MYT1L: variants seen among roughly 807,000 people sequenced by gnomAD.
MYT1L encodes the protein myelin transcription factor 1 like.
In MYT1L, 12 loss-of-function variants were observed where a neutral mutation model predicts 126.7. The ratio of observed to expected loss-of-function variants is 0.09; its 90% CI spans 0.06 to 0.15. The LOEUF (loss-of-function observed/expected upper bound fraction) is 0.15, where lower values mean the gene tolerates loss of function less well. Among genes scored for constraint, MYT1L ranks in the 10% least tolerant of loss-of-function variants. The pLI is 1.00. For missense variants in MYT1L, 979 were observed against 1,585.2 expected, an observed-to-expected ratio of 0.62 and a Z score of 6.49; for synonymous variants, 541 against 604.2, an observed-to-expected ratio of 0.90 and a Z score of 1.53.
intron 3 of MYT1L, among the ~76,000 whole-genome samples, chr2:2,152,125 T>C (rs1191015425): frequency 1.3e-5 from 2 of 152,196 alleles, no homozygotes; most frequent in African/African-American, 4.8e-5. Flanking sequence ...ATCACCATTC[T>C]TGTGCTTCGG....
intron 21 of MYT1L, among the ~76,000 whole-genome samples, chr2:1,810,793 T>G (rs2036495009): frequency 1.3e-5 from 2 of 152,208 alleles, no homozygotes; most frequent in Admixed American, 1.3e-4. Context: ...TGTATAAAAA[T>G]ATTTCCAGTA....
intron 18 of MYT1L, among the ~76,000 whole-genome samples, chr2:1,865,639 C>A (rs2045362959): frequency 6.6e-6 from 1 of 151,822 alleles, no homozygotes; most frequent in South Asian, 2.1e-4. Flanking sequence ...TCCCGGATCT[C>A]CTGGAGGCTG....
At chr2:2,198,646 C>T (rs2092926988) in intron 2 of MYT1L, among the ~76,000 whole-genome samples, 1 of 151,884 alleles carries the variant, frequency 6.6e-6, no homozygotes, top group Non-Finnish European at 1.5e-5. Flanking sequence ...ATCATAAGGT[C>T]AGGAGCTTGA....
intron 4 of MYT1L, among the ~76,000 whole-genome samples, chr2:2,038,928 C>G (rs1327869848): frequency 6.6e-6 from 1 of 152,168 alleles, no homozygotes; most frequent in Non-Finnish European, 1.5e-5. Flanking sequence ...GGTCCCTCCT[C>G]CTCGGTGTTC....
intron 18 of MYT1L, among the ~76,000 whole-genome samples, chr2:1,858,520 C>T (rs1172683560): frequency 6.6e-6 from 1 of 152,106 alleles, no homozygotes; most frequent in Admixed American, 6.6e-5. Context: ...GTATGTAATC[C>T]AGAGAAAGTT....
At position 1,852,771 on chromosome 2, in the gene MYT1L, G is replaced by A. The variant is rs2043441835; in HGVS notation, c.2712-1068C>T. Among the ~76,000 whole-genome samples the A allele has an allele frequency of 6.6e-6, 1 of 152,164 alleles. No individual in the cohort carries two copies. Among genetic ancestry groups the A allele is most frequent in the African/African-American group, 2.4e-5 (1 of 41,424 alleles). On this transcript the variant is annotated intron_variant, in intron 18 of 24. Transcript: ENST00000647738. This position sits in a 1 kb window ranked among gnomAD's most constrained non-coding sequence, Gnocchi z 4.0. ...ATTACACCTAGTAGGAAGCATCAAA[G>A]CATACTCCATGCCCCTTCCCACCTC...
chr2:2,219,225 G>A (rs2093781614), intron 2 of MYT1L, among the ~76,000 whole-genome samples: 1 of 152,138 alleles, frequency 6.6e-6, no homozygotes, highest in Non-Finnish European at 1.5e-5. Flanking sequence ...CTGAGCAGAA[G>A]CGCTCCATTT....
intron 2 of MYT1L, among the ~76,000 whole-genome samples, chr2:2,209,168 A>G (rs550585315): frequency 6.6e-6 from 1 of 152,354 alleles, no homozygotes; most frequent in Non-Finnish European, 1.5e-5. Flanking sequence ...ACATTTTTAT[A>G]CAGAAATGCA....
At chr2:2,097,170 C>T (rs928161085) in intron 3 of MYT1L, among the ~76,000 whole-genome samples, 11 of 152,152 alleles carry the variant, frequency 7.2e-5, no homozygotes, top group African/African-American at 2.2e-4. Flanking sequence ...TTCTCTATTC[C>T]GTGGGACTCC....
At chr2:2,292,131 A>G (rs1420933809) in intron 1 of MYT1L, among the ~76,000 whole-genome samples, 2 of 152,218 alleles carry the variant, frequency 1.3e-5, no homozygotes, top group African/African-American at 4.8e-5. Flanking sequence ...AGGGGCAGCG[A>G]GCAGGGCAGG....
intron 2 of MYT1L, among the ~76,000 whole-genome samples, chr2:2,238,052 T>C (rs1030508138): frequency 1.3e-5 from 2 of 152,220 alleles, no homozygotes; most frequent in East Asian, 1.9e-4. Flanking sequence ...GACAAGATCA[T>C]GACACGTTCA....
intron 2 of MYT1L, among the ~76,000 whole-genome samples, chr2:2,188,133 AATGC>A (rs2092338737): frequency 6.6e-6 from 1 of 152,140 alleles, no homozygotes; most frequent in Non-Finnish European, 1.5e-5. Context: ...TACACACACA[AATGC>A]ATGCACACAC....
chr2:2,116,166 G>C (rs2080188282), intron 3 of MYT1L, among the ~76,000 whole-genome samples: 1 of 152,250 alleles, frequency 6.6e-6, no homozygotes, highest in Non-Finnish European at 1.5e-5. Context: ...AAAACCACGA[G>C]GAAGAAAAGG....
intron 4 of MYT1L, among the ~76,000 whole-genome samples, chr2:2,032,694 T>C (rs1410543548): frequency 6.7e-5 from 6 of 89,508 alleles, no homozygotes; most frequent in African/African-American, 4.6e-5. Flanking sequence ...GTGCCTCTCA[T>C]CCTGTGGCCC....
chr2:1,965,441 AGAG>A (rs1345297790), intron 8 of MYT1L, among the ~76,000 whole-genome samples: 1 of 150,212 alleles, frequency 6.7e-6, no homozygotes, highest in Non-Finnish European at 1.5e-5. Context: ...CAGGCAGGGA[AGAG>A]GAGGACTCAG....
chr2:1,861,888 GATCCTCCTA>G, intron 18 of MYT1L, among the ~76,000 whole-genome samples: 1 of 152,036 alleles, frequency 6.6e-6, no homozygotes, highest in Admixed American at 6.6e-5. Flanking sequence ...TGTAATCCTG[GATCCTCCTA>G]CAGCCTGTGT....
chr2:2,026,624 G>T (rs1440892264), intron 4 of MYT1L, among the ~76,000 whole-genome samples: 1 of 152,202 alleles, frequency 6.6e-6, no homozygotes, highest in Non-Finnish European at 1.5e-5. Flanking sequence ...CGTGGTGGAG[G>T]TTGTTCTGCA....
Position 1,943,284 on chromosome 2 carries a change from G to C in MYT1L, c.203C>G (p.Pro68Arg), listed in dbSNP as rs2056864116. 2.6e-6 allele frequency: 4 copies of C among 1,567,756 alleles called. No individual in the cohort carries two copies. Among genetic ancestry groups the C allele is most frequent in the Non-Finnish European group, 3.5e-6 (4 of 1,155,436 alleles). The change falls in exon 9 of 25, where the codon CCC (proline) becomes CGC (arginine). Residue 68 changes from proline (P) to arginine (R), a missense_variant. By Grantham distance (103) the Pro-to-Arg change is moderately radical. Around this residue, in one of 12 missense-constraint regions of MYT1L, gnomAD observed 111 missense variants for 115.9 expected, o/e 0.96. Coordinates refer to ENST00000647738, the MANE Select transcript of MYT1L (RefSeq NM_001303052.2). This position sits in a 1 kb window ranked among gnomAD's most constrained non-coding sequence, Gnocchi z 4.4. ...CTTTCGTTTAGGAGCAGGTTCCTGGGGCTGTTTATCTTGTGTTTTTCTTTT... is the reference window on the plus strand; with the variant it reads ...CTTTCGTTTAGGAGCAGGTTCCTGGCGCTGTTTATCTTGTGTTTTTCTTTT... ...AKKRKTQDKQ[P>R]QEPAPKRKPF...
intron 1 of MYT1L, among the ~76,000 whole-genome samples, chr2:2,329,351 T>C (rs1411081090): frequency 6.6e-6 from 1 of 151,970 alleles, no homozygotes; most frequent in African/African-American, 2.4e-5. Flanking sequence ...ATCTCATAGG[T>C]TTTTTTAGAT....
Sources: allele counts gnomAD v4.1 joint callset (sites outside exome capture counted in the v4.1 genomes callset), GRCh38; gene constraint gnomAD v4.1.1; regional missense constraint gnomAD v4.1.1; non-coding constraint Gnocchi (gnomAD v3.1); transcripts MANE v1.5; gene names NCBI Gene and HGNC (gene_info 2026-07-23, HGNC 2026-07-21).